Variants in CACNA2D1 observed in about 807,000 individuals in gnomAD.
CACNA2D1 encodes calcium voltage-gated channel auxiliary subunit alpha2delta 1, also known as voltage-dependent calcium channel subunit alpha-2/delta-1.
In CACNA2D1, 53 loss-of-function variants were observed where a neutral mutation model predicts 171.5. The ratio of observed to expected loss-of-function variants is 0.31; its 90% confidence interval spans 0.25 to 0.39. The LOEUF (loss-of-function observed/expected upper bound fraction) is 0.39. Among genes scored for constraint, CACNA2D1 ranks in the 10% least tolerant of loss-of-function variants. The pLI is 1.00. For missense variants in CACNA2D1, 903 were observed against 1,299.8 expected (o/e 0.69, Z 4.69); for synonymous variants, 442 against 443.1 (o/e 1.00, Z 0.03).
intron 6 of CACNA2D1, among the ~76,000 whole-genome samples, chr7:82,101,387 T>G (rs1490987537): frequency 2.0e-5 from 3 of 152,152 alleles, no homozygotes; most frequent in Non-Finnish European, 4.4e-5. Flanking sequence ...ACAAATGCCT[T>G]CTACATTATT....
intron 3 of CACNA2D1, among the ~76,000 whole-genome samples, chr7:82,203,050 T>G (rs538469627): frequency 6.6e-6 from 1 of 152,222 alleles, no homozygotes; most frequent in South Asian, 2.1e-4. Context: ...CGGTCCCCCC[T>G]AGGTGCTTCA....
intron 3 of CACNA2D1, among the ~76,000 whole-genome samples, chr7:82,175,913 C>G (rs116715418): frequency 1.1e-3 from 160 of 150,550 alleles, no homozygotes; most frequent in African/African-American, 3.8e-3. Context: ...CTCTTCAACA[C>G]GTACATATGA....
chr7:82,393,102 GCA>G lies in CACNA2D1; in HGVS notation c.96-43455_96-43454del, dbSNP rs1359527457. Among the ~76,000 whole-genome samples, 141 of 139,374 alleles carry G rather than the reference GCA, an allele frequency of 1.0e-3. 2 individuals carry two copies. The highest frequency in any genetic ancestry group is 3.3e-3 in the African/African-American group (117 of 35,126). The allele number at this position is 139,374 out of a possible 152,430, so 91.4% of individuals were successfully genotyped here. On this transcript the variant is annotated intron_variant, in intron 1 of 38. Transcript: ENST00000356860. Reference sequence around the variant, plus strand: ...GGAAGGAAGGCAGGCAGGCAGGCAGGCAGGCAGGCAGGGAGGGAGGGAGGGAG... The same window carrying G: ...GGAAGGAAGGCAGGCAGGCAGGCAGGGGCAGGCAGGGAGGGAGGGAGGGAG...
intron 20 of CACNA2D1, among the ~76,000 whole-genome samples, chr7:81,991,590 T>C (rs182453103): frequency 1.3e-5 from 2 of 152,326 alleles, no homozygotes; most frequent in African/African-American, 4.8e-5. Flanking sequence ...TTAAGAGTAA[T>C]AGGCAACATC....
chr7:82,085,736 G>A (rs773030160), intron 6 of CACNA2D1, among the ~76,000 whole-genome samples: 4 of 151,154 alleles, frequency 2.6e-5, no homozygotes, highest in East Asian at 2.0e-4. Context: ...GCATGGTGCC[G>A]ATAAGGGCCA....
At chr7:82,140,513 GA>G (rs1380232075) in intron 4 of CACNA2D1, among the ~76,000 whole-genome samples, 2 of 152,086 alleles carry the variant, frequency 1.3e-5, no homozygotes, top group African/African-American at 4.8e-5. Flanking sequence ...TCAGGAGTTG[GA>G]GAAACTAACT....
intron 24 of CACNA2D1, among the ~76,000 whole-genome samples, chr7:81,975,416 A>G (rs1156636552): frequency 1.3e-5 from 2 of 152,202 alleles, no homozygotes; most frequent in Admixed American, 6.6e-5. Context: ...GAAGACAAGC[A>G]TGTCTCTGCA....
intron 35 of CACNA2D1, 103 bp from the exon 36 acceptor site, chr7:81,962,126 A>T (rs571446475): frequency 8.9e-7 from 1 of 1,126,108 alleles, no homozygotes; most frequent in South Asian, 1.3e-5. Context: ...AAATAAACGT[A>T]TAAGACCAGG....
intron 4 of CACNA2D1, among the ~76,000 whole-genome samples, chr7:82,138,811 T>A (rs1792018669): frequency 1.3e-5 from 2 of 152,106 alleles, no homozygotes; most frequent in Admixed American, 1.3e-4. Flanking sequence ...ATCTTCTGAA[T>A]CCACCTGAGA....
intron 10 of CACNA2D1, among the ~76,000 whole-genome samples, chr7:82,057,283 C>A (rs1266349367): frequency 6.6e-6 from 1 of 152,062 alleles, no homozygotes; most frequent in Non-Finnish European, 1.5e-5. Flanking sequence ...CCTGGCTTTG[C>A]CCCTAAAAGG....
chr7:82,350,432 G>A (rs931159450), intron 1 of CACNA2D1, among the ~76,000 whole-genome samples: 2 of 152,092 alleles, frequency 1.3e-5, no homozygotes, highest in African/African-American at 2.4e-5. Flanking sequence ...TTGGGAGGCC[G>A]AGGCAGGTGG....
chr7:82,360,740 TACAA>T (rs1203691632), intron 1 of CACNA2D1, among the ~76,000 whole-genome samples: 1 of 152,166 alleles, frequency 6.6e-6, no homozygotes, highest in Non-Finnish European at 1.5e-5. Context: ...GGTTCAGATA[TACAA>T]ACAAATGTAT....
At chr7:81,993,547 G>C (rs1392972801) in intron 20 of CACNA2D1, among the ~76,000 whole-genome samples, 2 of 152,126 alleles carry the variant, frequency 1.3e-5, no homozygotes, top group Non-Finnish European at 2.9e-5. Context: ...CATATAGATA[G>C]AGCTTTTGAA....
At chr7:82,370,130 A>C (rs994948271) in intron 1 of CACNA2D1, among the ~76,000 whole-genome samples, 3 of 152,072 alleles carry the variant, frequency 2.0e-5, no homozygotes, top group African/African-American at 7.2e-5. Context: ...TAAAGACAAA[A>C]GGAAGAATGT....
At chr7:82,381,839 T>C (rs1393699187) in intron 1 of CACNA2D1, among the ~76,000 whole-genome samples, 1 of 152,218 alleles carries the variant, frequency 6.6e-6, no homozygotes, top group Non-Finnish European at 1.5e-5. Flanking sequence ...ATCCATGGTC[T>C]ACATATTTGC....
chr7:82,358,263 T>C (rs1820688281), intron 1 of CACNA2D1, among the ~76,000 whole-genome samples: 1 of 152,204 alleles, frequency 6.6e-6, no homozygotes, highest in African/African-American at 2.4e-5. Flanking sequence ...ATAACACAAG[T>C]AAGCCAAAGA....
intron 1 of CACNA2D1, among the ~76,000 whole-genome samples, chr7:82,414,681 G>A (rs988914897): frequency 5.3e-5 from 8 of 152,112 alleles, no homozygotes; most frequent in African/African-American, 1.9e-4. Flanking sequence ...CCATTCGAAG[G>A]AGGTGTATGT....
intron 3 of CACNA2D1, among the ~76,000 whole-genome samples, chr7:82,309,251 T>A (rs1407317397): frequency 6.6e-6 from 1 of 151,844 alleles, no homozygotes; most frequent in Non-Finnish European, 1.5e-5. Context: ...ACTAAAAATA[T>A]AAAAATTAGC....
At chr7:82,373,661 A>C (rs1822675493) in intron 1 of CACNA2D1, among the ~76,000 whole-genome samples, 1 of 152,208 alleles carries the variant, frequency 6.6e-6, no homozygotes, top group Non-Finnish European at 1.5e-5. Flanking sequence ...TCTGGCTAAA[A>C]GGGCTTTTAG....
Sources: gnomAD v4.1 joint callset for allele counts (sites outside exome capture counted in the v4.1 genomes callset) on GRCh38, gnomAD v4.1.1 for gene constraint, MANE v1.5 for transcripts, NCBI Gene and HGNC (gene_info 2026-07-23, HGNC 2026-07-21) for gene names.